Variants in MFN1 observed in about 807,000 individuals in gnomAD.
MFN1 encodes mitofusin-1.
In MFN1, 65 loss-of-function variants were observed where a neutral mutation model predicts 92.4. The ratio of observed to expected loss-of-function variants is 0.70; its 90% CI spans 0.58 to 0.86. MFN1 has a LOEUF of 0.86. Ranked by LOEUF, MFN1 falls within the 40% of genes least tolerant of loss-of-function variation. MFN1 has a pLI of 0.00. For missense variants in MFN1, 781 were observed against 868.0 expected, an observed-to-expected ratio of 0.90 and a Z score of 1.26; for synonymous variants, 297 against 300.9, an observed-to-expected ratio of 0.99 and a Z score of 0.13.
intron 3 of MFN1, among the ~76,000 whole-genome samples, chr3:179,354,351 A>G (rs1211334123): frequency 6.6e-6 from 1 of 152,238 alleles, no homozygotes; most frequent in Non-Finnish European, 1.5e-5. Flanking sequence ...TTGTAAGCAA[A>G]AGTCAGATTG....
chr3:179,385,360 A>G (rs973571832), intron 14 of MFN1, among the ~76,000 whole-genome samples: 12 of 151,582 alleles, frequency 7.9e-5, no homozygotes, highest in Admixed American at 7.9e-4. Context: ...ATTGTATATT[A>G]TGAAAATTTA....
intron 8 of MFN1, 134 bp downstream of exon 8, chr3:179,367,726 C>G (rs41265407): frequency 0.21 from 136,650 of 638,518 alleles, 16,535 homozygotes; most frequent in East Asian, 0.39. Context: ...AGTTTGAGAC[C>G]AGCCTGGCCA....
In MFN1 at chr3:179,358,707, T is replaced by A. The variant is rs1712442388; in HGVS notation, c.249-133T>A. The A allele has an allele frequency of 1.2e-5, 10 of 848,172 alleles. 2 individuals carry two copies. Among genetic ancestry groups the A allele is most frequent in the Middle Eastern group, 7.6e-4 (2 of 2,646 alleles). 52.5% of individuals were successfully genotyped at this position (848,172 alleles called of 1,614,324 possible). Reference sequence around the variant, plus strand: ...GTATTTGTGTAAGCCAAGTGGTTAATCTTTTCATAAAAATGCAGTCTTAAG... The same window carrying A: ...GTATTTGTGTAAGCCAAGTGGTTAAACTTTTCATAAAAATGCAGTCTTAAG... On this transcript the variant is annotated intron_variant, in intron 3 of 17. Coordinates refer to ENST00000471841, the MANE Select transcript of MFN1 (RefSeq NM_033540.3).
chr3:179,367,861 T>C (rs1712860685), intron 8 of MFN1, among the ~76,000 whole-genome samples, 175 bp from the exon 9 acceptor site: 1 of 150,742 alleles, frequency 6.6e-6, no homozygotes, highest in Admixed American at 6.6e-5. Flanking sequence ...AGGCGGAGGT[T>C]GCAGCGAGCC....
intron 6 of MFN1, 122 bp downstream of exon 6, chr3:179,364,527 A>G (rs988764507): frequency 1.1e-5 from 8 of 715,096 alleles, no homozygotes; most frequent in Admixed American, 7.7e-5. Flanking sequence ...ACAGGCATGA[A>G]TGAAGGGGTT....
chr3:179,364,532 G>A (rs948571685), intron 6 of MFN1, 127 bp downstream of exon 6: 11 of 694,742 alleles, frequency 1.6e-5, no homozygotes, highest in Admixed American at 2.7e-5. Context: ...CATGAATGAA[G>A]GGGTTTGTGT....
At chr3:179,388,414 C>A (rs1468483041) in intron 16 of MFN1, among the ~76,000 whole-genome samples, 4 of 152,056 alleles carry the variant, frequency 2.6e-5, no homozygotes. Flanking sequence ...ATAACATATA[C>A]CTAAGTCCAC....
chr3:179,352,120 C>G, intron 3 of MFN1, 85 bp downstream of exon 3: 3 of 1,375,430 alleles, frequency 2.2e-6, no homozygotes, highest in Non-Finnish European at 3.0e-6. Flanking sequence ...TTCTCCCATC[C>G]TCCCCCAGCC....
chr3:179,371,282 A>G (rs1713013888), intron 9 of MFN1, among the ~76,000 whole-genome samples: 1 of 152,188 alleles, frequency 6.6e-6, no homozygotes, highest in Non-Finnish European at 1.5e-5. Context: ...CAAAGCAGGA[A>G]GATCTCTTGA....
rs1270935784 is a variant in MFN1 at position 179,391,966 on chromosome 3, TA to T, written c.2148-14del. The T allele has an allele frequency of 6.5e-7, 1 of 1,546,188 alleles. No homozygotes were observed. The highest frequency in any genetic ancestry group is 1.4e-5 in the African/African-American group (1 of 73,336). ...CTTTATAGTAATTAGATTGGTGTTTTATTTTTTTAATTAGAAATAAAGCTGT... is the reference window on the plus strand; with the variant it reads ...CTTTATAGTAATTAGATTGGTGTTTTTTTTTTTAATTAGAAATAAAGCTGT... On this transcript the variant is annotated splice_polypyrimidine_tract_variant and intron_variant, in intron 17 of 17. Transcript: ENST00000471841.
chr3:179,362,533 A>G (rs1428757535), intron 5 of MFN1, 51 bp downstream of exon 5: 1 of 1,513,788 alleles, frequency 6.6e-7, no homozygotes, highest in South Asian at 1.3e-5. Context: ...TTAATAGTAT[A>G]ATACTGCTTA....
chr3:179,390,857 A>G (rs1713872811), intron 17 of MFN1, among the ~76,000 whole-genome samples: 1 of 152,196 alleles, frequency 6.6e-6, no homozygotes, highest in African/African-American at 2.4e-5. Context: ...ATGTTTACAA[A>G]TTGGAGGGAC....
chr3:179,385,351 T>C (rs1256856665), intron 14 of MFN1, among the ~76,000 whole-genome samples: 2 of 152,056 alleles, frequency 1.3e-5, no homozygotes, highest in Admixed American at 6.6e-5. Context: ...TTAGACCCCA[T>C]TGTATATTAT....
chr3:179,382,477 G>C (rs1441710239), intron 14 of MFN1, among the ~76,000 whole-genome samples: 1 of 152,180 alleles, frequency 6.6e-6, no homozygotes, highest in East Asian at 1.9e-4. Context: ...ATCATTGTTG[G>C]ACATTTGGGT....
chr3:179,363,675 G>A (rs918735135), intron 5 of MFN1, among the ~76,000 whole-genome samples: 3 of 151,712 alleles, frequency 2.0e-5, no homozygotes, highest in African/African-American at 7.3e-5. Flanking sequence ...TTTTGTGTAT[G>A]TGGAGTCAGG....
At chr3:179,387,095 T>C (rs1443401100) in intron 16 of MFN1, among the ~76,000 whole-genome samples, 2 of 152,016 alleles carry the variant, frequency 1.3e-5, no homozygotes, top group Non-Finnish European at 2.9e-5. Flanking sequence ...TTTTAATTTT[T>C]TTTTTTTCTT....
chr3:179,377,150 C>T lies in MFN1; in HGVS notation c.1206C>T (p.Thr402=), dbSNP rs781188074. ...TTAAGAAAAAAATCAAGGAGGTTAC[C>T]GAGGAGGTGGCAAACAAAGTGGGTA... ...LDVKKKIKEV[T]EEVANKVSCA... is the part of the protein sequence containing the mutation. Residue 402 remains threonine (T), a synonymous_variant, in exon 11 of 18, where the codon ACC becomes ACT. Transcript: ENST00000471841. 9.3e-6 allele frequency: 15 copies of T among 1,613,136 alleles called. No individual in the cohort carries two copies. The highest frequency in any genetic ancestry group is 2.2e-5 in the South Asian group (2 of 90,920).
At chr3:179,350,364 C>G (rs1228221313) in intron 2 of MFN1, among the ~76,000 whole-genome samples, 1 of 150,798 alleles carries the variant, frequency 6.6e-6, no homozygotes, top group Non-Finnish European at 1.5e-5. Context: ...TGACACAATT[C>G]AATGCTGAAT....
chr3:179,389,901 AG>A, intron 16 of MFN1, 102 bp from the exon 17 acceptor site: 1 of 1,054,396 alleles, frequency 9.5e-7, no homozygotes, highest in Non-Finnish European at 1.4e-6. Flanking sequence ...CCTATAGTTT[AG>A]AAGTTTTTTA....
Sources: gnomAD v4.1 joint callset for allele counts (sites outside exome capture counted in the v4.1 genomes callset) on GRCh38, gnomAD v4.1.1 for gene constraint, MANE v1.5 for transcripts, NCBI Gene and HGNC (gene_info 2026-07-23, HGNC 2026-07-21) for gene names.